Variants in SCUBE1 observed in about 807,000 individuals in gnomAD.
The protein encoded by SCUBE1 is signal peptide, CUB and EGF-like domain-containing protein 1.
In SCUBE1, 59 loss-of-function variants were observed where a neutral mutation model predicts 124.4. The observed-to-expected ratio is 0.47, with a 90% CI of 0.38 to 0.59. SCUBE1 has a LOEUF of 0.59. SCUBE1 is among the 20% of genes least tolerant of loss of function. The pLI is 0.00. For synonymous variants in SCUBE1, 545 were observed against 550.9 expected (o/e 0.99, Z 0.15); for missense variants, 1,150 against 1,371.2 (o/e 0.84, Z 2.55).
chr22:43,326,342 G>C (rs940743772), intron 2 of SCUBE1, among the ~76,000 whole-genome samples: 1 of 152,110 alleles, frequency 6.6e-6, no homozygotes, highest in Non-Finnish European at 1.5e-5. Context: ...GCAACCATTC[G>C]GGGAGAGATG....
In SCUBE1 at chr22:43,280,730, C is replaced by G. The variant is rs138456948; in HGVS notation, c.484+10316G>C. On this transcript the variant is annotated intron_variant, in intron 4 of 21. Coordinates refer to ENST00000360835, the MANE Select transcript of SCUBE1 (RefSeq NM_173050.5). ...TCCTCCTCGGCCACCCTCCTGTCAC[C>G]TTCCTCCTCGGCCACCCTCCTGTCA... Among the ~76,000 whole-genome samples, 235 of 73,628 alleles carry G rather than the reference C, an allele frequency of 3.2e-3. 2 individuals carry two copies. Among genetic ancestry groups the G allele is most frequent in the Middle Eastern group, 0.02 (2 of 102 alleles). The allele number at this position is 73,628 out of a possible 152,430, so 48.3% of individuals were successfully genotyped here.
intron 12 of SCUBE1, 99 bp from the exon 13 acceptor site, chr22:43,221,388 G>C: frequency 1.4e-6 from 1 of 705,454 alleles, no homozygotes; most frequent in East Asian, 2.6e-5. Flanking sequence ...TCTGGAGCTG[G>C]GGGTGGGGCT....
chr22:43,206,644 GT>G (rs1268170778), intron 21 of SCUBE1, among the ~76,000 whole-genome samples: 1 of 93,586 alleles, frequency 1.1e-5, no homozygotes, highest in Non-Finnish European at 2.6e-5. Context: ...GGGGAAAGAG[GT>G]GGGGGAAAGA....
intron 10 of SCUBE1, 138 bp downstream of exon 10, chr22:43,227,236 A>C: frequency 9.7e-7 from 1 of 1,030,566 alleles, no homozygotes; most frequent in South Asian, 1.6e-5. Flanking sequence ...CCAACAGCAG[A>C]GAACCTCTGC....
intron 3 of SCUBE1, among the ~76,000 whole-genome samples, chr22:43,311,676 C>T (rs1926175773): frequency 1.3e-5 from 2 of 152,138 alleles, no homozygotes; most frequent in Admixed American, 1.3e-4. Flanking sequence ...ATCCACCCGC[C>T]TCGGTCTCTC....
rs554258408 is a variant in SCUBE1, at chr22:43,212,098, C to G, written c.2221+327G>C. 1.1e-3 allele frequency among the ~76,000 whole-genome samples: 161 copies of G among 151,390 alleles called. No individual in the cohort carries two copies. The Middle Eastern group carries it at 0.044, about 42-fold the overall frequency. On this transcript the variant is annotated intron_variant, in intron 17 of 21. Coordinates refer to ENST00000360835, the MANE Select transcript of SCUBE1 (RefSeq NM_173050.5). ...CCCTGATCCCGCTCCTGCCCCCACA[C>G]TCCTGCCCCCACACTCCTGCCCCCT...
At chr22:43,217,767 C>A (rs12053783) in intron 15 of SCUBE1, among the ~76,000 whole-genome samples, 40,610 of 151,796 alleles carry the variant, frequency 0.27, 7,323 homozygotes, top group East Asian at 0.51. Flanking sequence ...AGCGCACACC[C>A]GCCCGCTGGG....
chr22:43,231,831 A>T lies in SCUBE1; in HGVS notation c.889T>A (p.Cys297Ser). The T allele has an allele frequency of 6.2e-7, 1 of 1,613,550 alleles. No homozygotes were observed. The highest frequency in any genetic ancestry group is 8.5e-7 in the Non-Finnish European group (1 of 1,179,906). The change falls in exon 8 of 22, where the codon TGC becomes AGC. Residue 297 changes from cysteine to serine, a missense_variant. This residue lies in a region of SCUBE1 where 337 missense variants were observed against 482.1 expected (regional missense o/e 0.70). Transcript: ENST00000360835. ...TCGAAGCTGCCCACGGTGTTGCGGC[A>T]GAAGTGGTCGCAGCCTCCGTTGTTG... ...LVNNGGCDHF[C>S]RNTVGSFECG...
At chr22:43,310,121 C>T (rs1926117551) in intron 3 of SCUBE1, among the ~76,000 whole-genome samples, 1 of 152,132 alleles carries the variant, frequency 6.6e-6, no homozygotes, top group African/African-American at 2.4e-5. Context: ...TGACCCAGCC[C>T]CGGCCCGCCT....
chr22:43,253,857 C>G (rs770667733), intron 6 of SCUBE1, among the ~76,000 whole-genome samples: 2 of 148,282 alleles, frequency 1.3e-5, no homozygotes, highest in Middle Eastern at 3.2e-3. Flanking sequence ...TGGCCTCAGA[C>G]AGTAGTGCCC....
At chr22:43,330,134 C>T (rs1197575535) in intron 2 of SCUBE1, among the ~76,000 whole-genome samples, 1 of 152,050 alleles carries the variant, frequency 6.6e-6, no homozygotes, top group Non-Finnish European at 1.5e-5. Flanking sequence ...AGGCCCCTTC[C>T]CTCCTCAAAT....
chr22:43,288,245 C>T (rs1003322089), intron 4 of SCUBE1, among the ~76,000 whole-genome samples: 2 of 152,172 alleles, frequency 1.3e-5, no homozygotes, highest in African/African-American at 2.4e-5. Context: ...AGGATCTGAC[C>T]ACCTGGGGCA....
intron 12 of SCUBE1, among the ~76,000 whole-genome samples, chr22:43,222,097 A>G (rs1014502026): frequency 2.0e-5 from 3 of 152,146 alleles, no homozygotes; most frequent in African/African-American, 7.2e-5. Flanking sequence ...AGAAACATAC[A>G]GAAATGCACC....
chr22:43,236,853 G>C (rs1044205731), intron 7 of SCUBE1, among the ~76,000 whole-genome samples: 5 of 152,186 alleles, frequency 3.3e-5, no homozygotes, highest in African/African-American at 1.2e-4. Flanking sequence ...CTACAGGCAG[G>C]AACCGTCTCT....
At chr22:43,301,572 T>C (rs1925773399) in intron 3 of SCUBE1, among the ~76,000 whole-genome samples, 2 of 152,124 alleles carry the variant, frequency 1.3e-5, no homozygotes, top group South Asian at 4.1e-4. Flanking sequence ...ACGTGCCGCT[T>C]TCCCAGAGAT....
chr22:43,309,669 GACGA>G (rs202014393), intron 3 of SCUBE1, among the ~76,000 whole-genome samples: 2,241 of 152,036 alleles, frequency 0.015, 60 homozygotes, highest in African/African-American at 0.052. Flanking sequence ...ACAGAACTCA[GACGA>G]ACAGACACCT....
chr22:43,291,991 C>T (rs940595270), intron 3 of SCUBE1, among the ~76,000 whole-genome samples: 2 of 152,100 alleles, frequency 1.3e-5, no homozygotes, highest in Non-Finnish European at 2.9e-5. Flanking sequence ...CGTCGCCAGA[C>T]CCCCCACTCT....
rs975784909 is a variant in SCUBE1, at chr22:43,290,366, C to T, written c.484+680G>A. Among the ~76,000 whole-genome samples the T allele has an allele frequency of 8.5e-5, 13 of 152,270 alleles. 1 individual carries two copies. The highest frequency in any genetic ancestry group is 3.9e-4 in the Admixed American group (6 of 15,298). On this transcript the variant is annotated intron_variant, in intron 4 of 21. Coordinates refer to ENST00000360835, the MANE Select transcript of SCUBE1 (RefSeq NM_173050.5). The stretch of plus-strand genomic sequence containing the variant: ...GTCCTGGCTTTCTGGACAGCTCTGC[C>T]GCCACCTCACAGCTCTGCTGCCCTG...
At chr22:43,232,642 G>A in intron 7 of SCUBE1, 1 of 152,364 alleles carries the variant, frequency 6.6e-6, no homozygotes, top group Non-Finnish European at 1.5e-5. Context: ...TGCTCCGAAG[G>A]TTGCCTGGCC....
Sources: gnomAD v4.1 joint callset for allele counts (sites outside exome capture counted in the v4.1 genomes callset) on GRCh38, gnomAD v4.1.1 for gene constraint, gnomAD v4.1.1 regional missense constraint, MANE v1.5 for transcripts, NCBI Gene and HGNC (gene_info 2026-07-23, HGNC 2026-07-21) for gene names.